Variants in STOX2 observed in about 807,000 individuals in gnomAD.
STOX2 encodes storkhead box 2, also known as storkhead-box protein 2.
Under a neutral mutation model 60.9 loss-of-function variants are expected in STOX2, and 28 were observed. The ratio of observed to expected loss-of-function variants is 0.46; its 90% CI spans 0.34 to 0.63. The LOEUF is 0.63. Among genes scored for constraint, STOX2 ranks in the 30% least tolerant of loss-of-function variants. STOX2 has a pLI of 0.01. For missense variants in STOX2, 1,024 were observed against 1,187.7 expected (o/e 0.86, Z 2.03); for synonymous variants, 472 against 463.9 (o/e 1.02, Z -0.22).
At position 183,906,154 on chromosome 4, in the gene STOX2, G is replaced by C. The variant is rs541475947; in HGVS notation, c.-637G>C. 1.3e-5 allele frequency: 2 copies of C among 152,500 alleles called. No homozygotes were observed. Among genetic ancestry groups the C allele is most frequent in the East Asian group, 3.9e-4 (2 of 5,162 alleles). The allele number at this position is 152,500 out of a possible 1,614,324, so 9.4% of individuals were successfully genotyped here. On this transcript the variant is annotated 5_prime_UTR_variant, in exon 1 of 4. Coordinates refer to ENST00000308497, the MANE Select transcript of STOX2 (RefSeq NM_020225.3). ...CTCTGTGATGAAGACTGTCTCCCGG[G>C]GACTGCAGCGGAGGCAGAGCCAGCC...
At chr4:183,894,014 C>T (rs923822147) in intron 1 of STOX2, among the ~76,000 whole-genome samples, 3 of 152,164 alleles carry the variant, frequency 2.0e-5, no homozygotes, top group African/African-American at 7.2e-5. Flanking sequence ...TAGCCAGGCA[C>T]GCTGGCGTGC....
chr4:183,975,865 C>A (rs1732426817), intron 1 of STOX2, among the ~76,000 whole-genome samples: 1 of 152,106 alleles, frequency 6.6e-6, no homozygotes, highest in African/African-American at 2.4e-5. Context: ...AAAGTTAGTA[C>A]AGTAAAAGAA....
intron 1 of STOX2, among the ~76,000 whole-genome samples, chr4:183,914,212 T>C (rs1480225810): frequency 1.3e-5 from 2 of 152,044 alleles, no homozygotes; most frequent in Non-Finnish European, 2.9e-5. Flanking sequence ...CCGTTCTTTG[T>C]AAGTGGTTGG....
chr4:183,993,873 T>C (rs1463582347), intron 1 of STOX2, among the ~76,000 whole-genome samples: 1 of 152,206 alleles, frequency 6.6e-6, no homozygotes, highest in African/African-American at 2.4e-5. Context: ...ATGGGAGCCG[T>C]CTGCTCTGCC....
chr4:184,013,330 G>A (rs1471295441), intron 3 of STOX2, among the ~76,000 whole-genome samples: 1 of 152,220 alleles, frequency 6.6e-6, no homozygotes, highest in Non-Finnish European at 1.5e-5. Context: ...TTGGGGTGCA[G>A]AATATAGAAT....
At chr4:183,890,789 G>A (rs558838059) in intron 1 of STOX2, among the ~76,000 whole-genome samples, 1 of 152,190 alleles carries the variant, frequency 6.6e-6, no homozygotes, top group Non-Finnish European at 1.5e-5. Flanking sequence ...AAGCAGAGAT[G>A]GAATTAGAGA....
At chr4:183,883,282 T>C (rs1740996642) in intron 1 of STOX2, among the ~76,000 whole-genome samples, 1 of 152,138 alleles carries the variant, frequency 6.6e-6, no homozygotes, top group South Asian at 2.1e-4. Flanking sequence ...TCCATAATGT[T>C]ATTAAATACC....
upstream of STOX2, among the ~76,000 whole-genome samples, chr4:183,901,917 C>T (rs117066287): frequency 8.6e-3 from 1,313 of 152,274 alleles, 60 homozygotes; most frequent in Admixed American, 0.069. Flanking sequence ...TCTTCTGATG[C>T]ACACATTTTA....
intron 1 of STOX2, among the ~76,000 whole-genome samples, chr4:183,815,166 T>A (rs984657792): frequency 6.6e-6 from 1 of 151,986 alleles, no homozygotes; most frequent in Admixed American, 6.6e-5. Flanking sequence ...CTAATTTTTT[T>A]TTTTTATTTT....
At chr4:183,880,525 A>G (rs1257063333) in intron 1 of STOX2, among the ~76,000 whole-genome samples, 3 of 152,256 alleles carry the variant, frequency 2.0e-5, no homozygotes, top group Non-Finnish European at 2.9e-5. Flanking sequence ...AGAATGTCAC[A>G]GCCAGATCAG....
chr4:183,919,804 G>A lies in STOX2; in HGVS notation c.166+12848G>A, dbSNP rs1287581322. Among the ~76,000 whole-genome samples, 4 of 152,024 alleles carry A rather than the reference G, an allele frequency of 2.6e-5. No individual in the cohort carries two copies. The East Asian group carries it at 5.8e-4, about 22-fold the overall frequency. Reference sequence around the variant, plus strand: ...ATTTTTTTGTAGACTGGGTCTTGCCGTGTTACCCAGGCTGGTTTCAAACTC... The same window carrying A: ...ATTTTTTTGTAGACTGGGTCTTGCCATGTTACCCAGGCTGGTTTCAAACTC... On this transcript the variant is annotated intron_variant, in intron 1 of 3. Coordinates refer to ENST00000308497, the MANE Select transcript of STOX2 (RefSeq NM_020225.3).
chr4:183,995,651 C>T (rs1579521234), intron 1 of STOX2, among the ~76,000 whole-genome samples: 2 of 152,304 alleles, frequency 1.3e-5, no homozygotes, highest in East Asian at 3.9e-4. Context: ...AGCTCTTTCT[C>T]CAGAGTTGCA....
At chr4:183,863,843 A>T (rs1370206731) in intron 1 of STOX2, among the ~76,000 whole-genome samples, 1 of 152,230 alleles carries the variant, frequency 6.6e-6, no homozygotes. Context: ...AGGGATTTAC[A>T]CAACCGTATC....
chr4:183,994,607 A>G (rs1050122407), intron 1 of STOX2, among the ~76,000 whole-genome samples: 1 of 152,232 alleles, frequency 6.6e-6, no homozygotes, highest in Non-Finnish European at 1.5e-5. Context: ...AGGATTTAGG[A>G]GGCTGAAGGA....
At chr4:183,924,280 G>A (rs1464921786) in intron 1 of STOX2, among the ~76,000 whole-genome samples, 1 of 152,182 alleles carries the variant, frequency 6.6e-6, no homozygotes, top group East Asian at 1.9e-4. Flanking sequence ...ACAGTTGGCT[G>A]GAGATATACA....
intron 1 of STOX2, among the ~76,000 whole-genome samples, chr4:183,886,347 A>C (rs1741083582): frequency 8.9e-6 from 1 of 111,748 alleles, no homozygotes. Context: ...GCACAACAGA[A>C]AGGGGGGGGA....
chr4:183,976,306 C>T (rs1450419681), intron 1 of STOX2, among the ~76,000 whole-genome samples: 5 of 151,474 alleles, frequency 3.3e-5, no homozygotes, highest in South Asian at 4.1e-4. Flanking sequence ...AGCGAGACTG[C>T]GTCTCAAAAA....
chr4:183,903,147 C>T (rs1034529016), upstream of STOX2, among the ~76,000 whole-genome samples: 1 of 152,196 alleles, frequency 6.6e-6, no homozygotes, highest in African/African-American at 2.4e-5. Context: ...TTCAACGGCT[C>T]ACACTGCACT....
intron 1 of STOX2, among the ~76,000 whole-genome samples, chr4:183,908,984 C>T (rs1404661017): frequency 6.6e-6 from 1 of 152,128 alleles, no homozygotes; most frequent in Non-Finnish European, 1.5e-5. Flanking sequence ...GGTTCTTGCC[C>T]AGGGAGGGAG....
Sources: gnomAD v4.1 joint callset for allele counts (sites outside exome capture counted in the v4.1 genomes callset) on GRCh38, gnomAD v4.1.1 for gene constraint, MANE v1.5 for transcripts, NCBI Gene and HGNC (gene_info 2026-07-23, HGNC 2026-07-21) for gene names.